Variants in STXBP5L observed in about 807,000 individuals in gnomAD.
STXBP5L encodes syntaxin-binding protein 5-like.
A neutral mutation model predicts 144.5 loss-of-function variants in STXBP5L; 65 were observed. The ratio of observed to expected loss-of-function variants is 0.45; its 90% CI spans 0.37 to 0.55. The LOEUF is 0.55. Among genes scored for constraint, STXBP5L ranks in the 20% least tolerant of loss-of-function variants. The pLI is 0.00. For synonymous variants in STXBP5L, 505 were observed against 469.6 expected (o/e 1.08, Z -0.97); for missense variants, 1,298 against 1,405.5 (o/e 0.92, Z 1.22).
At chr3:120,959,660 C>T (rs1174298239) in intron 3 of STXBP5L, among the ~76,000 whole-genome samples, 1 of 152,140 alleles carries the variant, frequency 6.6e-6, no homozygotes, top group Non-Finnish European at 1.5e-5. Context: ...GAAAGGATTC[C>T]CTATTTTATA....
rs187758013 is a variant in STXBP5L at position 120,990,073 on chromosome 3, C to G, written c.287+35036C>G. Among the ~76,000 whole-genome samples the G allele has an allele frequency of 3.0e-3, 463 of 152,222 alleles. 3 individuals carry two copies. Among genetic ancestry groups the G allele is most frequent in the African/African-American group, 0.01 (432 of 41,530 alleles). On this transcript the variant is annotated intron_variant, in intron 3 of 26. Transcript: ENST00000471454. Reference sequence around the variant, plus strand: ...TCCAGAAAACCCCATTGTCTCAGCCCAAAATCTCCTTAAGCTGATAGGCAA... The same window carrying G: ...TCCAGAAAACCCCATTGTCTCAGCCGAAAATCTCCTTAAGCTGATAGGCAA...
intron 3 of STXBP5L, among the ~76,000 whole-genome samples, chr3:121,007,676 C>G (rs1285227116): frequency 3.9e-5 from 6 of 151,954 alleles, no homozygotes; most frequent in Non-Finnish European, 7.4e-5. Context: ...TACTTCTGAT[C>G]TGTTGTTTAC....
At chr3:121,239,202 C>G (rs1180033077) in intron 13 of STXBP5L, 84 bp downstream of exon 13, 1 of 762,210 alleles carries the variant, frequency 1.3e-6, no homozygotes, top group Non-Finnish European at 2.0e-6. Flanking sequence ...TTCTTACATT[C>G]CATATAGGAG....
At chr3:121,239,181 AT>A in intron 13 of STXBP5L, 63 bp downstream of exon 13, 1 of 991,590 alleles carries the variant, frequency 1.0e-6, no homozygotes, top group Non-Finnish European at 1.4e-6. Flanking sequence ...ACTTTTTTCC[AT>A]TACTTTATTT....
intron 2 of STXBP5L, among the ~76,000 whole-genome samples, chr3:120,932,354 G>A (rs1709988345): frequency 6.6e-6 from 1 of 152,148 alleles, no homozygotes; most frequent in South Asian, 2.1e-4. Flanking sequence ...CTTTGAGAAA[G>A]TAATGCAGAT....
intron 19 of STXBP5L, among the ~76,000 whole-genome samples, chr3:121,304,873 A>T (rs1370844452): frequency 3.3e-5 from 5 of 152,072 alleles, no homozygotes; most frequent in Non-Finnish European, 7.4e-5. Context: ...AACGAAATAG[A>T]GGTCAAACCA....
chr3:121,265,829 G>C (rs1340515396), intron 18 of STXBP5L, among the ~76,000 whole-genome samples: 1 of 152,052 alleles, frequency 6.6e-6, no homozygotes, highest in African/African-American at 2.4e-5. Flanking sequence ...TACCATCAGA[G>C]AATACTATAA....
chr3:121,314,653 G>A (rs1216991513), intron 19 of STXBP5L, among the ~76,000 whole-genome samples: 1 of 151,786 alleles, frequency 6.6e-6, no homozygotes, highest in Non-Finnish European at 1.5e-5. Flanking sequence ...GTAAACTAAA[G>A]AGCTTCTGCA....
chr3:121,257,798 A>G (rs1030721718), intron 17 of STXBP5L, among the ~76,000 whole-genome samples: 2 of 152,092 alleles, frequency 1.3e-5, no homozygotes, highest in African/African-American at 4.8e-5. Context: ...GATGGTACAC[A>G]CCTGTAGCTC....
chr3:121,013,928 G>T (rs766899143), intron 3 of STXBP5L, among the ~76,000 whole-genome samples: 14 of 151,896 alleles, frequency 9.2e-5, no homozygotes, highest in African/African-American at 1.2e-4. Flanking sequence ...TGTCAACTTT[G>T]TCAAAGATCA....
chr3:121,082,924 C>T (rs1020328835), intron 5 of STXBP5L, among the ~76,000 whole-genome samples: 9 of 152,086 alleles, frequency 5.9e-5, no homozygotes, highest in African/African-American at 1.9e-4. Flanking sequence ...TTGGGCTGGG[C>T]GTGGTGGCTC....
At chr3:121,058,750 G>A (rs1203004166) in intron 5 of STXBP5L, among the ~76,000 whole-genome samples, 2 of 152,186 alleles carry the variant, frequency 1.3e-5, no homozygotes, top group Non-Finnish European at 2.9e-5. Flanking sequence ...TTTTTCATAT[G>A]TTTGTTGGCT....
chr3:121,372,521 A>T (rs1033710917), intron 20 of STXBP5L, among the ~76,000 whole-genome samples: 4 of 152,184 alleles, frequency 2.6e-5, no homozygotes, highest in African/African-American at 9.7e-5. Flanking sequence ...CTGGGATTCC[A>T]GAGGCCCATG....
intron 20 of STXBP5L, among the ~76,000 whole-genome samples, chr3:121,356,358 T>C (rs1576272987): frequency 6.6e-6 from 1 of 152,190 alleles, no homozygotes; most frequent in Admixed American, 6.5e-5. Context: ...ATTTTGAGCT[T>C]CCCGGCCACT....
At chr3:121,288,039 A>T (rs2051293427) in intron 19 of STXBP5L, among the ~76,000 whole-genome samples, 1 of 152,220 alleles carries the variant, frequency 6.6e-6, no homozygotes, top group Admixed American at 6.5e-5. Context: ...ACTGATTCTA[A>T]AGTTCATACA....
chr3:121,351,548 T>G lies in STXBP5L; in HGVS notation c.2177-27168T>G, dbSNP rs1190853739. Among the ~76,000 whole-genome samples the G allele has an allele frequency of 1.3e-5, 2 of 152,260 alleles. 1 individual carries two copies. The highest frequency in any genetic ancestry group is 4.1e-4 in the South Asian group (2 of 4,826). ...TTTTTGATGGGGTTGTTTGTTTTGT[T>G]CTTGTAAATTTGTTTAAGTTCTTTG... On this transcript the variant is annotated intron_variant, in intron 20 of 26. Transcript: ENST00000471454.
chr3:121,419,276 C>A lies in STXBP5L; in HGVS notation c.*179C>A. The A allele has an allele frequency of 1.7e-6, 1 of 572,244 alleles. No individual in the cohort carries two copies. The highest frequency in any genetic ancestry group is 4.7e-4 in the Middle Eastern group (1 of 2,116). The allele number at this position is 572,244 out of a possible 1,614,324, so 35.4% of individuals were successfully genotyped here. A position where few individuals can be genotyped will look rare whatever the true frequency, so the allele number is the denominator to read the frequency against. Reference sequence around the variant, plus strand: ...ACACTGTGCAACCCAAAGGCTGGAGCCCTGGTTAAAATCCCAAAATACGGC... The same window carrying A: ...ACACTGTGCAACCCAAAGGCTGGAGACCTGGTTAAAATCCCAAAATACGGC... On this transcript the variant is annotated 3_prime_UTR_variant, in exon 27 of 27. Coordinates refer to ENST00000471454, the MANE Select transcript of STXBP5L (RefSeq NM_001308330.2).
intron 3 of STXBP5L, among the ~76,000 whole-genome samples, chr3:121,034,073 C>G (rs975857193): frequency 6.6e-6 from 1 of 152,036 alleles, no homozygotes; most frequent in African/African-American, 2.4e-5. Flanking sequence ...TAATATGCCA[C>G]TCTCTAGGTA....
At chr3:121,192,692 A>G (rs923042641) in intron 9 of STXBP5L, among the ~76,000 whole-genome samples, 2 of 152,196 alleles carry the variant, frequency 1.3e-5, no homozygotes, top group African/African-American at 4.8e-5. Context: ...TCTCATCTTC[A>G]ACAAACCTGA....
Sources: allele counts gnomAD v4.1 joint callset (sites outside exome capture counted in the v4.1 genomes callset), GRCh38; gene constraint gnomAD v4.1.1; transcripts MANE v1.5; gene names NCBI Gene and HGNC (gene_info 2026-07-23, HGNC 2026-07-21).